TMEM260: variants seen among roughly 807,000 people sequenced by gnomAD.
TMEM260 encodes protein O-mannosyl-transferase TMEM260.
A neutral mutation model predicts 88.9 loss-of-function variants in TMEM260; 82 were observed. The ratio of observed to expected loss-of-function variants is 0.92; its 90% CI spans 0.77 to 1.11. TMEM260 has a LOEUF of 1.11. TMEM260 is among the 50% of genes least tolerant of loss of function. The pLI is 0.00. For synonymous variants in TMEM260, 314 were observed against 309.3 expected (o/e 1.02, Z -0.16); for missense variants, 902 against 853.4 (o/e 1.06, Z -0.71).
intron 15 of TMEM260, among the ~76,000 whole-genome samples, chr14:56,637,915 G>A (rs535780468): frequency 1.1e-4 from 16 of 152,192 alleles, no homozygotes; most frequent in Non-Finnish European, 1.8e-4. Context: ...CTCAGTCACA[G>A]TTCAGTCTTG....
chr14:56,634,593 A>G (rs966824185), intron 13 of TMEM260, among the ~76,000 whole-genome samples: 2 of 152,200 alleles, frequency 1.3e-5, no homozygotes, highest in African/African-American at 4.8e-5. Context: ...CTATAATCCC[A>G]GTATTTTGGG....
intron 3 of TMEM260, among the ~76,000 whole-genome samples, chr14:56,593,987 G>C (rs993524194): frequency 6.6e-6 from 1 of 152,064 alleles, no homozygotes; most frequent in African/African-American, 2.4e-5. Flanking sequence ...GCGCCCGGCC[G>C]TGAGTGTCTT....
chr14:56,611,866 A>C (rs1277877593), intron 6 of TMEM260, among the ~76,000 whole-genome samples: 4 of 152,222 alleles, frequency 2.6e-5, no homozygotes, highest in Non-Finnish European at 4.4e-5. Context: ...GCCATAAAAA[A>C]GAATGAGTTA....
In TMEM260 at chr14:56,601,253, G is replaced by C. The variant is rs115299895; in HGVS notation, c.345-2562G>C. ...CTTTAAGATGCCTTTCTGAGTGTAA[G>C]AATATGTGTTAATCATTATAGATTA... On this transcript the variant is annotated intron_variant, in intron 3 of 15. Transcript: ENST00000261556. Among the ~76,000 whole-genome samples, 593 of 152,244 alleles carry C rather than the reference G, an allele frequency of 3.9e-3. 6 individuals are homozygous for C. Among genetic ancestry groups the C allele is most frequent in the African/African-American group, 0.014 (577 of 41,532 alleles).
chr14:56,580,646 A>G (rs1885067715), intron 1 of TMEM260, among the ~76,000 whole-genome samples: 1 of 152,204 alleles, frequency 6.6e-6, no homozygotes, highest in South Asian at 2.1e-4. Context: ...AATATTGAGA[A>G]GGAACTAGCC....
At chr14:56,646,085 G>A (rs899263620) in intron 15 of TMEM260, among the ~76,000 whole-genome samples, 6 of 152,164 alleles carry the variant, frequency 3.9e-5, no homozygotes, top group Admixed American at 6.5e-5. Context: ...ATGGGCCACC[G>A]TGCCCAGCCT....
rs141599092 is a variant in TMEM260 at position 56,636,599 on chromosome 14, G to A, written c.1869+1G>A. 3.3e-5 allele frequency: 53 copies of A among 1,612,814 alleles called. No homozygotes were observed. Among genetic ancestry groups the A allele is most frequent in the African/African-American group, 1.1e-4 (8 of 74,976 alleles). The stretch of plus-strand genomic sequence containing the variant: ...TCAACTCTACGCTCAAGCATATGAC[G>A]TATGTTACACTTTTATATGTAGATA... On this transcript the variant is annotated splice_donor_variant, in intron 15 of 15. Transcript: ENST00000261556. LOFTEE classifies it high-confidence loss of function.
intron 4 of TMEM260, among the ~76,000 whole-genome samples, chr14:56,604,713 A>G (rs1039556885): frequency 4.6e-5 from 7 of 152,212 alleles, no homozygotes; most frequent in African/African-American, 1.7e-4. Flanking sequence ...AAGAGTGAGA[A>G]GGCACACTGT....
chr14:56,594,091 T>C (rs1400082128), intron 3 of TMEM260, among the ~76,000 whole-genome samples: 1 of 152,236 alleles, frequency 6.6e-6, no homozygotes, highest in South Asian at 2.1e-4. Context: ...GATTTTTATC[T>C]TTCTGTAAGT....
chr14:56,596,841 ATAT>A (rs953735596), intron 3 of TMEM260, among the ~76,000 whole-genome samples: 5 of 151,126 alleles, frequency 3.3e-5, no homozygotes, highest in Non-Finnish European at 5.9e-5. Flanking sequence ...AGGTTATCCA[ATAT>A]TATCAATAGT....
At chr14:56,582,597 T>C (rs1472255818) in intron 1 of TMEM260, among the ~76,000 whole-genome samples, 1 of 152,182 alleles carries the variant, frequency 6.6e-6, no homozygotes, top group Non-Finnish European at 1.5e-5. Flanking sequence ...CAGAATTACC[T>C]GGGAAACTTG....
chr14:56,623,944 A>G (rs941649114), intron 11 of TMEM260, among the ~76,000 whole-genome samples: 1 of 152,244 alleles, frequency 6.6e-6, no homozygotes, highest in Admixed American at 6.5e-5. Context: ...GGGAATGAAT[A>G]CATATCAAAG....
rs1307435010 is a variant in TMEM260, at chr14:56,615,925, G to GT, written c.858-17dup. On this transcript the variant is annotated intron_variant, in intron 7 of 15. Transcript: ENST00000261556. ...CAAATTTGTTTCCTGCCAACAATAA[G>GT]TTAGATTGTTTTTTGCAGTTCTCAA... is the stretch of plus-strand genomic sequence containing the variant. 6.4e-7 allele frequency: 1 copy of GT among 1,570,198 alleles called. No homozygotes were observed. Among genetic ancestry groups the GT allele is most frequent in the African/African-American group, 1.3e-5 (1 of 74,156 alleles).
rs1283544313 is a variant in TMEM260, at chr14:56,609,227, C to T, written c.758C>T (p.Thr253Ile). Residue 253 changes from threonine to isoleucine, a missense_variant, in exon 6 of 16, where the codon ACA (threonine) becomes ATA (isoleucine). By Grantham distance (89) the Thr-to-Ile change is moderately conservative. Transcript: ENST00000261556. The stretch of plus-strand genomic sequence containing the variant: ...GCCCGGTGGACCTGGGGAGACCAGA[C>T]AACACTGCAAGGATTTTTGACACAT... Reference protein sequence around the residue: ...NHARWTWGDQTTLQGFLTHFL... With the variant: ...NHARWTWGDQITLQGFLTHFL... The T allele has an allele frequency of 6.2e-7, 1 of 1,613,968 alleles. No homozygotes were observed. Among genetic ancestry groups the T allele is most frequent in the Non-Finnish European group, 8.5e-7 (1 of 1,180,034 alleles).
At chr14:56,630,239 C>A (rs530477416) in intron 12 of TMEM260, among the ~76,000 whole-genome samples, 1 of 152,004 alleles carries the variant, frequency 6.6e-6, no homozygotes, top group Non-Finnish European at 1.5e-5. Flanking sequence ...GATTTCTTTG[C>A]GTTAACTTGT....
At chr14:56,652,560 A>G (rs1890225598), downstream of TMEM260, among the ~76,000 whole-genome samples, 1 of 152,076 alleles carries the variant, frequency 6.6e-6, no homozygotes, top group Non-Finnish European at 1.5e-5. Context: ...AAAGCTACAG[A>G]AACTTTAAAG....
chr14:56,638,599 G>A (rs1889309401), intron 15 of TMEM260, among the ~76,000 whole-genome samples: 1 of 151,854 alleles, frequency 6.6e-6, no homozygotes, highest in South Asian at 2.1e-4. Flanking sequence ...TATCTCCTTT[G>A]CACATAGTCT....
intron 1 of TMEM260, among the ~76,000 whole-genome samples, chr14:56,584,410 A>G (rs1239287394): frequency 2.0e-5 from 3 of 152,196 alleles, no homozygotes; most frequent in Non-Finnish European, 1.5e-5. Flanking sequence ...GTGAGGAACT[A>G]TAAAGGACTA....
intron 3 of TMEM260, among the ~76,000 whole-genome samples, chr14:56,601,805 G>A (rs1427526154): frequency 6.6e-6 from 1 of 152,088 alleles, no homozygotes; most frequent in Non-Finnish European, 1.5e-5. Flanking sequence ...GATTTGCCCA[G>A]TGGGAGCCTC....
Sources: allele counts gnomAD v4.1 joint callset (sites outside exome capture counted in the v4.1 genomes callset), GRCh38; gene constraint gnomAD v4.1.1; transcripts MANE v1.5; gene names NCBI Gene and HGNC (gene_info 2026-07-23, HGNC 2026-07-21).